Variants in ODF2 observed in about 807,000 individuals in gnomAD.
ODF2 encodes the protein outer dense fiber of sperm tails 2, also known as outer dense fiber protein 2.
Under a neutral mutation model 110.2 loss-of-function variants are expected in ODF2, and 47 were observed. The observed-to-expected ratio is 0.43, with a 90% confidence interval of 0.34 to 0.54. The LOEUF (loss-of-function observed/expected upper bound fraction) is 0.54. Among genes scored for constraint, ODF2 ranks in the 20% least tolerant of loss-of-function variants. The pLI is 0.03. For missense variants in ODF2, 812 were observed against 1,054.5 expected (o/e 0.77, Z 3.19); for synonymous variants, 352 against 397.7 (o/e 0.89, Z 1.37).
At chr9:128,475,147 T>C (rs1238104587) in intron 8 of ODF2, among the ~76,000 whole-genome samples, 1 of 152,138 alleles carries the variant, frequency 6.6e-6, no homozygotes, top group East Asian at 1.9e-4. Flanking sequence ...ATAACAACTA[T>C]TTACATAGCA....
At chr9:128,479,556 G>A (rs977483899) in intron 8 of ODF2, among the ~76,000 whole-genome samples, 2 of 152,174 alleles carry the variant, frequency 1.3e-5, no homozygotes, top group African/African-American at 4.8e-5. Context: ...CAGTGAATTG[G>A]TGCAGGCATT....
Position 128,494,321 on chromosome 9 carries a change from G to C in ODF2, c.1753-189G>C, listed in dbSNP as rs1432317167. Among the ~76,000 whole-genome samples, 1 of 152,156 alleles carries C rather than the reference G, an allele frequency of 6.6e-6. No individual in the cohort carries two copies. Among genetic ancestry groups the C allele is most frequent in the East Asian group, 1.9e-4 (1 of 5,192 alleles). ...TTGTTACGGGATAACTAAATGAATG[G>C]CAAGCCACCTGCTCAATGGCCAGCG... On this transcript the variant is annotated intron_variant, in intron 16 of 20. Transcript: ENST00000604420. The surrounding 1 kb of genome is among the most constrained non-coding windows in gnomAD (Gnocchi z 4.6).
At chr9:128,478,815 A>G (rs949764630) in intron 8 of ODF2, among the ~76,000 whole-genome samples, 1 of 151,552 alleles carries the variant, frequency 6.6e-6, no homozygotes, top group South Asian at 2.1e-4. Context: ...CTTGCTGGGT[A>G]GTGCTCAGTG....
chr9:128,498,902 T>G, intron 19 of ODF2, 99 bp from the exon 20 acceptor site: 1 of 1,469,204 alleles, frequency 6.8e-7, no homozygotes. Flanking sequence ...GATGTGCAAG[T>G]GCTGTCTGCA....
At chr9:128,471,496 T>A in intron 6 of ODF2, 28 bp downstream of exon 6, 1 of 1,604,028 alleles carries the variant, frequency 6.2e-7, no homozygotes, top group Non-Finnish European at 8.5e-7. Flanking sequence ...CTGTCCCCGC[T>A]GATCTATTCC....
exon 1 of ODF2, chr9:128,456,204 A>C: frequency 6.5e-7 from 1 of 1,547,706 alleles, no homozygotes; most frequent in Non-Finnish European, 8.7e-7. Flanking sequence ...CTGGCCTCCG[A>C]CTTCAACGAC....
At chr9:128,481,777 C>T (rs779392258) in intron 9 of ODF2, 126 bp downstream of exon 9, 27 of 657,638 alleles carry the variant, frequency 4.1e-5, no homozygotes, top group Non-Finnish European at 6.7e-5. Flanking sequence ...CTTAGTTTCA[C>T]GATCTGTAAA....
chr9:128,498,920 A>T, intron 19 of ODF2, 81 bp from the exon 20 acceptor site: 2 of 1,574,632 alleles, frequency 1.3e-6, no homozygotes, highest in Non-Finnish European at 1.7e-6. Context: ...GCAAGACCAG[A>T]TAGTGGGCCC....
At chr9:128,495,923 G>A in intron 17 of ODF2, 118 bp from the exon 18 acceptor site, 1 of 1,194,900 alleles carries the variant, frequency 8.4e-7, no homozygotes, top group Non-Finnish European at 1.2e-6. Context: ...GTTGAGACTT[G>A]GACACCTGCT....
chr9:128,464,328 G>C (rs1837295234), intron 4 of ODF2, among the ~76,000 whole-genome samples: 2 of 150,702 alleles, frequency 1.3e-5, no homozygotes. Context: ...GCTAATTTTT[G>C]TATTTTTAAT....
chr9:128,460,262 A>G (rs6478832), intron 3 of ODF2: 1,344,905 of 1,348,120 alleles, frequency 1, 670,904 homozygotes, highest in East Asian at 1. Flanking sequence ...CAGCCCTAAG[A>G]ACCCTGGGGC....
At chr9:128,483,881 G>C in intron 10 of ODF2, 57 bp from the exon 11 acceptor site, 1 of 1,220,526 alleles carries the variant, frequency 8.2e-7, no homozygotes, top group Non-Finnish European at 1.2e-6. Flanking sequence ...GCAAGACTCC[G>C]TATGAAAAAA....
chr9:128,460,776 T>A, intron 3 of ODF2, 110 bp downstream of exon 3: 1 of 1,528,622 alleles, frequency 6.5e-7, no homozygotes, highest in Non-Finnish European at 8.9e-7. Context: ...ACACACTCTT[T>A]CGGAGGCCGG....
chr9:128,480,671 G>C (rs963321620), intron 8 of ODF2, among the ~76,000 whole-genome samples: 4 of 152,084 alleles, frequency 2.6e-5, no homozygotes. Context: ...ACAAAAATTA[G>C]CCGGGCGTGG....
chr9:128,478,659 G>C (rs531455428), intron 8 of ODF2, among the ~76,000 whole-genome samples: 1 of 151,276 alleles, frequency 6.6e-6, no homozygotes, highest in South Asian at 2.1e-4. Context: ...TGGTTTCTTA[G>C]CTTCTGTCAT....
chr9:128,495,937 G>A, intron 17 of ODF2, 104 bp from the exon 18 acceptor site: 1 of 1,357,936 alleles, frequency 7.4e-7, no homozygotes, highest in Non-Finnish European at 1.0e-6. Flanking sequence ...ACCTGCTGAG[G>A]GCACTGTGCC....
Position 128,498,582 on chromosome 9 carries a change from C to A in ODF2, c.2175+7C>A. The A allele has an allele frequency of 1.4e-6, 2 of 1,478,316 alleles. No homozygotes were observed. Among genetic ancestry groups the A allele is most frequent in the Non-Finnish European group, 1.9e-6 (2 of 1,074,986 alleles). 91.6% of individuals were successfully genotyped at this position (1,478,316 alleles called of 1,614,324 possible). On this transcript the variant is annotated splice_region_variant and intron_variant, in intron 19 of 20. Transcript: ENST00000604420. ...TGAAGATGCGAGGAGGCAGGTCAGT[C>A]CCGATTTCATGAATGACTAGCTCTG...
rs1451010309 is a variant in ODF2, at chr9:128,471,205, C to T, written c.421-103C>T. 28 of 1,242,768 alleles carry T rather than the reference C, an allele frequency of 2.3e-5. No individual in the cohort carries two copies. In the Middle Eastern group the frequency reaches 7.8e-4, roughly 35 times the overall value. 77.0% of individuals were successfully genotyped at this position (1,242,768 alleles called of 1,614,324 possible). ...CTGGGATTACAGGCGTGAGCCACCA[C>T]GCCCGGCCGGGGCCTTATTTTGGTC... On this transcript the variant is annotated intron_variant, in intron 5 of 20. Transcript: ENST00000604420.
chr9:128,461,001 G>A (rs1339989531), exon 4 of ODF2: 2 of 1,614,182 alleles, frequency 1.2e-6, no homozygotes, highest in African/African-American at 1.3e-5. Context: ...GTGTCCGGGT[G>A]AAAACCAAGG....
Sources: allele counts gnomAD v4.1 joint callset (sites outside exome capture counted in the v4.1 genomes callset), GRCh38; gene constraint gnomAD v4.1.1; non-coding constraint Gnocchi (gnomAD v3.1); transcripts MANE v1.5; gene names NCBI Gene and HGNC (gene_info 2026-07-23, HGNC 2026-07-21).